MFSD11: variants seen among roughly 807,000 people sequenced by gnomAD.
MFSD11 encodes UNC93-like protein MFSD11.
Under a neutral mutation model 53.5 loss-of-function variants are expected in MFSD11, and 36 were observed. The ratio of observed to expected loss-of-function variants is 0.67; its 90% CI spans 0.52 to 0.89. The LOEUF is 0.89. MFSD11 is among the 40% of genes least tolerant of loss of function. The probability of loss-of-function intolerance (pLI) is 0.00; values close to 1 mark genes in which losing one functional copy is unlikely to be tolerated. For synonymous variants in MFSD11, 186 were observed against 184.9 expected (o/e 1.01, Z -0.05); for missense variants, 530 against 543.9 (o/e 0.97, Z 0.25).
chr17:76,743,338 A>T (rs879802192), intron 5 of MFSD11, 60 bp from the exon 6 acceptor site: 124 of 1,131,470 alleles, frequency 1.1e-4, no homozygotes, highest in African/African-American at 1.5e-4. Flanking sequence ...AATTATTTTT[A>T]AAAAACTATA....
At chr17:76,799,217 C>G in the MFSD11 span, 1 of 151,850 alleles carries the variant, frequency 6.6e-6, no homozygotes, top group Non-Finnish European at 1.5e-5. Flanking sequence ...CCAGTTCAAG[C>G]AACTCTCGTG....
intron 8 of MFSD11, among the ~76,000 whole-genome samples, chr17:76,766,768 A>G (rs2080890507): frequency 1.3e-5 from 2 of 152,204 alleles, no homozygotes; most frequent in Admixed American, 1.3e-4. Context: ...ATGAAATGTG[A>G]ATAGGTTCCA....
the MFSD11 span, among the ~76,000 whole-genome samples, chr17:76,797,236 G>C: frequency 6.6e-6 from 1 of 152,162 alleles, no homozygotes; most frequent in African/African-American, 2.4e-5. Context: ...TCCATAGACA[G>C]AGTAGCCCTG....
upstream of MFSD11, chr17:76,736,739 G>A (rs1013691314): frequency 2.9e-6 from 4 of 1,387,588 alleles, no homozygotes; most frequent in African/African-American, 3.1e-5. Context: ...CCTTTGTGAG[G>A]TCGCCCGGGC....
chr17:76,758,927 A>C (rs2079919946), intron 8 of MFSD11, among the ~76,000 whole-genome samples: 1 of 152,056 alleles, frequency 6.6e-6, no homozygotes, highest in South Asian at 2.1e-4. Context: ...CGGAAGCCTT[A>C]CTGATAACAT....
chr17:76,794,701 TTTTTG>T, the MFSD11 span, among the ~76,000 whole-genome samples: 279 of 4,610 alleles, frequency 0.061, 24 homozygotes, highest in African/African-American at 0.086. Flanking sequence ...TTTTTTTTTT[TTTTTG>T]TTTTGAGATG....
At chr17:76,741,810 A>G (rs1018178645) in intron 3 of MFSD11, 159 bp from the exon 4 acceptor site, 19 of 653,030 alleles carry the variant, frequency 2.9e-5, no homozygotes, top group Non-Finnish European at 3.4e-5. Context: ...TAATTAAGAA[A>G]TGAGAAAGTT....
At chr17:76,742,874 C>T (rs1247344788) in intron 5 of MFSD11, among the ~76,000 whole-genome samples, 1 of 152,152 alleles carries the variant, frequency 6.6e-6, no homozygotes, top group African/African-American at 2.4e-5. Flanking sequence ...GGAATCTCTT[C>T]TGAGGAATCA....
the MFSD11 span, among the ~76,000 whole-genome samples, chr17:76,792,461 C>T: frequency 8.1e-5 from 12 of 148,966 alleles, no homozygotes; most frequent in South Asian, 2.1e-4. Context: ...TTTTTTTTTC[C>T]GGGCTCTCTT....
chr17:76,751,344 C>T (rs370053102), intron 7 of MFSD11, among the ~76,000 whole-genome samples: 2 of 150,180 alleles, frequency 1.3e-5, no homozygotes, highest in Non-Finnish European at 3.0e-5. Context: ...GAGCTGAGAT[C>T]GTGCCACTGC....
intron 10 of MFSD11, among the ~76,000 whole-genome samples, chr17:76,771,124 C>G (rs544282804): frequency 1.4e-4 from 21 of 152,304 alleles, no homozygotes; most frequent in Admixed American, 5.2e-4. Context: ...TGAAAGGGGC[C>G]TGGAAGTTCT....
chr17:76,758,385 G>C (rs675074), intron 8 of MFSD11, among the ~76,000 whole-genome samples: 123,458 of 151,818 alleles, frequency 0.81, 53,131 homozygotes, highest in Non-Finnish European at 0.94. Flanking sequence ...GAGTTTGAGA[G>C]TAGTCTGGGC....
rs756614777 is a variant in MFSD11, at chr17:76,769,856, A to G, written c.859A>G (p.Ile287Val). 1 of 1,607,304 alleles carries G rather than the reference A, an allele frequency of 6.2e-7. No homozygotes were observed. The highest frequency in any genetic ancestry group is 8.5e-7 in the Non-Finnish European group (1 of 1,178,560). ...TGGACTTTCTGGCATTTTCATCGGCATTGGAGAAATTTTAGGTTGGTTTTA... is the reference window on the plus strand; with the variant it reads ...TGGACTTTCTGGCATTTTCATCGGCGTTGGAGAAATTTTAGGTTGGTTTTA... ...LIGLSGIFIG[I>V]GEILGGSLFG... The change falls in exon 10 of 13, where the codon ATT becomes GTT. Residue 287 changes from isoleucine (I) to valine (V), a missense_variant. Physicochemically the swap from Ile to Val is conservative, Grantham distance 29 (BLOSUM62 3). Transcript: ENST00000685175.
Position 76,738,359 on chromosome 17 carries a change from C to T in MFSD11, c.7C>T (p.Pro3Ser). ...CCGGCAGAGCTGAGCCAAAATGTCCCCGGAATCTAAAAAGCTTTTCAACAT... is the reference window on the plus strand; with the variant it reads ...CCGGCAGAGCTGAGCCAAAATGTCCTCGGAATCTAAAAAGCTTTTCAACAT... MS[P>S]ESKKLFNIII... Residue 3 changes from proline (P) to serine (S), a missense_variant, in exon 1 of 13, where the codon CCG becomes TCG. Coordinates refer to ENST00000685175, the MANE Select transcript of MFSD11 (RefSeq NM_001242532.5). 2.5e-6 allele frequency: 4 copies of T among 1,613,906 alleles called. No homozygotes were observed. Among genetic ancestry groups the T allele is most frequent in the Non-Finnish European group, 1.7e-6 (2 of 1,179,808 alleles).
downstream of MFSD11, among the ~76,000 whole-genome samples, chr17:76,782,666 G>A (rs1598818120): frequency 6.6e-6 from 1 of 150,706 alleles, no homozygotes; most frequent in South Asian, 2.1e-4. Flanking sequence ...TTTTAGTAGA[G>A]ATGGGGCTTC....
At chr17:76,780,524 T>C (rs2082136391), downstream of MFSD11, among the ~76,000 whole-genome samples, 1 of 151,434 alleles carries the variant, frequency 6.6e-6, no homozygotes, top group South Asian at 2.1e-4. Context: ...TGTGTTTTTT[T>C]TTTTTTTTCA....
intron 10 of MFSD11, among the ~76,000 whole-genome samples, 160 bp downstream of exon 10, chr17:76,770,031 CTTTTTTTTTT>C (rs367900405): frequency 1.5e-5 from 2 of 131,078 alleles, no homozygotes; most frequent in Non-Finnish European, 3.2e-5. Context: ...TATTCTTTTT[CTTTTTTTTTT>C]TTTTTTTCCA....
the MFSD11 span, among the ~76,000 whole-genome samples, chr17:76,799,948 CT>C: frequency 3.3e-4 from 44 of 134,424 alleles, no homozygotes; most frequent in Admixed American, 2.3e-3. Flanking sequence ...TTTTCTTTTT[CT>C]TTTTCCTTTT....
chr17:76,803,371 A>G, the MFSD11 span, among the ~76,000 whole-genome samples: 1 of 152,192 alleles, frequency 6.6e-6, no homozygotes, highest in Non-Finnish European at 1.5e-5. Flanking sequence ...TGACGATAAC[A>G]GCCCTTTACC....
Sources: allele counts gnomAD v4.1 joint callset (sites outside exome capture counted in the v4.1 genomes callset), GRCh38; gene constraint gnomAD v4.1.1; transcripts MANE v1.5; gene names NCBI Gene and HGNC (gene_info 2026-07-23, HGNC 2026-07-21).